The following USP14 variants were observed in gnomAD, a reference collection of about 807,000 sequenced individuals.
USP14 encodes the protein ubiquitin carboxyl-terminal hydrolase 14.
Under a neutral mutation model 76.5 loss-of-function variants are expected in USP14, and 38 were observed. That is an observed-to-expected ratio of 0.50 (90% CI 0.38 to 0.65). USP14 has a LOEUF of 0.65. Among genes scored for constraint, USP14 ranks in the 30% least tolerant of loss-of-function variants. The probability of loss-of-function intolerance (pLI) is 0.00; values close to 1 mark genes in which losing one functional copy is unlikely to be tolerated. For synonymous variants in USP14, 192 were observed against 191.7 expected, an observed-to-expected ratio of 1.00 and a Z score of -0.01; for missense variants, 467 against 586.5, an observed-to-expected ratio of 0.80 and a Z score of 2.10.
intron 13 of USP14, among the ~76,000 whole-genome samples, chr18:209,642 G>A (rs186732868): frequency 1.4e-4 from 22 of 152,292 alleles, no homozygotes; most frequent in African/African-American, 5.1e-4. Flanking sequence ...TAACACTGGG[G>A]AATTGGGTTT....
At position 214,085 on chromosome 18, in the gene USP14, T is replaced by C. The variant is rs927012119; in HGVS notation, c.*2801T>C. 6.6e-6 allele frequency: 1 copy of C among 152,266 alleles called. No individual in the cohort carries two copies. The highest frequency in any genetic ancestry group is 2.4e-5 in the African/African-American group (1 of 41,362). 9.4% of individuals were successfully genotyped at this position (152,266 alleles called of 1,614,324 possible). The stretch of plus-strand genomic sequence containing the variant: ...CAGCTCCTTAGCTTTGCTGTTGTTA[T>C]AGTGTAGCTGGAGCCATAGACAGTT... On this transcript the variant is annotated 3_prime_UTR_variant, in exon 16 of 16. Transcript: ENST00000261601.
intron 5 of USP14, among the ~76,000 whole-genome samples, chr18:189,888 C>T (rs1598273834): frequency 6.6e-6 from 1 of 152,292 alleles, no homozygotes; most frequent in South Asian, 2.1e-4. Flanking sequence ...AAAATAAAGG[C>T]AGAACCCTTC....
Position 191,257 on chromosome 18 carries a change from T to C in USP14, c.405-1585T>C, listed in dbSNP as rs369429031. 2.0e-4 allele frequency among the ~76,000 whole-genome samples: 31 copies of C among 152,296 alleles called. 1 individual carries two copies. The East Asian group carries it at 5.2e-3, about 26-fold the overall frequency. On this transcript the variant is annotated intron_variant, in intron 5 of 15. Coordinates refer to ENST00000261601, the MANE Select transcript of USP14 (RefSeq NM_005151.4). The stretch of plus-strand genomic sequence containing the variant: ...AGGCATTATTGTGAATTATTGTGTA[T>C]TGAAAAATTAAGAAAATTCGTTGAG...
chr18:172,235 A>G (rs1299766737), intron 3 of USP14, among the ~76,000 whole-genome samples: 1 of 152,150 alleles, frequency 6.6e-6, no homozygotes, highest in African/African-American at 2.4e-5. Context: ...GAGACCCTGT[A>G]TCTAAAAAAC....
Position 180,309 on chromosome 18 carries a change from C to T in USP14, c.374C>T (p.Ser125Phe), listed in dbSNP as rs948789021. ...YMNATVQCIRSVPELKDALKR... is the reference protein window; with the variant it reads ...YMNATVQCIRFVPELKDALKR... Reference sequence around the variant, plus strand: ...AATGCCACAGTTCAGTGTATTCGTTCTGTGCCTGAACTCAAAGATGCCCTT... The same window carrying T: ...AATGCCACAGTTCAGTGTATTCGTTTTGTGCCTGAACTCAAAGATGCCCTT... The change falls in exon 5 of 16, where the codon TCT becomes TTT. Residue 125 changes from serine (S) to phenylalanine (F), a missense_variant. Ser to Phe is a radical substitution (Grantham distance 155). Coordinates refer to ENST00000261601, the MANE Select transcript of USP14 (RefSeq NM_005151.4). 1.9e-6 allele frequency: 3 copies of T among 1,586,872 alleles called. No individual in the cohort carries two copies. Among genetic ancestry groups the T allele is most frequent in the Non-Finnish European group, 2.6e-6 (3 of 1,172,920 alleles).
chr18:173,226 G>A (rs1909518358), intron 3 of USP14, among the ~76,000 whole-genome samples: 1 of 150,734 alleles, frequency 6.6e-6, no homozygotes, highest in Non-Finnish European at 1.5e-5. Context: ...TCCTGCCTCA[G>A]CCTCCCGAGT....
intron 3 of USP14, among the ~76,000 whole-genome samples, chr18:169,572 A>C (rs145899952): frequency 6.6e-6 from 1 of 151,742 alleles, no homozygotes; most frequent in African/African-American, 2.4e-5. Context: ...GCAGTTCTCA[A>C]ATTTCTTGGT....
At chr18:160,535 A>G (rs1288544610) in intron 1 of USP14, among the ~76,000 whole-genome samples, 1 of 152,150 alleles carries the variant, frequency 6.6e-6, no homozygotes, top group African/African-American at 2.4e-5. Context: ...AAAAATAAAC[A>G]CACACCTGTG....
At chr18:172,911 C>T (rs894744290) in intron 3 of USP14, among the ~76,000 whole-genome samples, 1 of 151,976 alleles carries the variant, frequency 6.6e-6, no homozygotes, top group African/African-American at 2.4e-5. Flanking sequence ...TTCAAGGTAT[C>T]CCTGTGTTTT....
chr18:179,931 C>A (rs1004928374), intron 4 of USP14, among the ~76,000 whole-genome samples: 6 of 151,766 alleles, frequency 4.0e-5, no homozygotes, highest in Admixed American at 2.0e-4. Context: ...TGAAGTGTTT[C>A]TTTGCATATT....
chr18:195,504 G>A (rs914883772), intron 6 of USP14, among the ~76,000 whole-genome samples: 2 of 152,196 alleles, frequency 1.3e-5, no homozygotes, highest in Non-Finnish European at 2.9e-5. Context: ...GGAGGGCAAG[G>A]TATGATCACT....
At chr18:188,329 C>T (rs1268095643) in intron 5 of USP14, among the ~76,000 whole-genome samples, 2 of 152,090 alleles carry the variant, frequency 1.3e-5, no homozygotes, top group Non-Finnish European at 2.9e-5. Context: ...AGATTTTTCT[C>T]ACTGGATCTA....
Position 212,982 on chromosome 18 carries a change from A to AAAAT in USP14, c.*1701_*1704dup, listed in dbSNP as rs1285590171. 1.3e-5 allele frequency: 2 copies of AAAAT among 152,244 alleles called. No homozygotes were observed. The highest frequency in any genetic ancestry group is 1.9e-4 in the East Asian group (1 of 5,196). The allele number at this position is 152,244 out of a possible 1,614,324, so 9.4% of individuals were successfully genotyped here. A position where few individuals can be genotyped will look rare whatever the true frequency, so the allele number is the denominator to read the frequency against. On this transcript the variant is annotated 3_prime_UTR_variant, in exon 16 of 16. Transcript: ENST00000261601. ...CAATCTGTGAACACTAGGAGGGGAT[A>AAAAT]AAATAAGCATTGCAGGGAAACTTAT... is the stretch of plus-strand genomic sequence containing the variant.
chr18:179,586 CTT>C (rs535535588), intron 4 of USP14, among the ~76,000 whole-genome samples: 4 of 114,098 alleles, frequency 3.5e-5, no homozygotes, highest in Non-Finnish European at 7.3e-5. Flanking sequence ...TTTTTTTTTG[CTT>C]TTTTTTTTTT....
Position 212,104 on chromosome 18 carries a change from T to TACAA in USP14, c.*820_*821insACAA. ...GTGTTGGAGCTTGGCTGAAGACATG[T>TACAA]TTAATACTGTACAATTTCTGAAGAT... On this transcript the variant is annotated 3_prime_UTR_variant, in exon 16 of 16. Transcript: ENST00000261601. The TACAA allele has an allele frequency of 1.3e-5, 2 of 152,238 alleles. No individual in the cohort carries two copies. The highest frequency in any genetic ancestry group is 4.8e-5 in the African/African-American group (2 of 41,472). The allele number at this position is 152,238 out of a possible 1,614,324, so 9.4% of individuals were successfully genotyped here. A position where few individuals can be genotyped will look rare whatever the true frequency, so the allele number is the denominator to read the frequency against.
rs536391628 is a variant in USP14 at position 175,600 on chromosome 18, T to G, written c.196-3333T>G. ...ACTTGGACATTATATATTGCTAGAT[T>G]CTATTTGCTTATCTTTTGTTAAGGT... On this transcript the variant is annotated intron_variant, in intron 3 of 15. Transcript: ENST00000261601. Among the ~76,000 whole-genome samples, 11 of 152,302 alleles carry G rather than the reference T, an allele frequency of 7.2e-5. No homozygotes were observed. The East Asian group carries it at 1.2e-3, about 16-fold the overall frequency.
intron 15 of USP14, 80 bp downstream of exon 15, chr18:210,573 C>T: frequency 9.1e-7 from 1 of 1,093,268 alleles, no homozygotes; most frequent in Non-Finnish European, 1.3e-6. Flanking sequence ...GTGTGGTTTT[C>T]AAACTTTGGG....
chr18:158,841 C>A, intron 1 of USP14, 127 bp downstream of exon 1: 1 of 1,246,014 alleles, frequency 8.0e-7, no homozygotes, highest in Non-Finnish European at 1.0e-6. Flanking sequence ...GCGGGGCCGG[C>A]GGCGCGGAGA....
chr18:204,968 AG>A (rs1232887328), intron 13 of USP14, among the ~76,000 whole-genome samples: 1 of 150,440 alleles, frequency 6.6e-6, no homozygotes, highest in Non-Finnish European at 1.5e-5. Flanking sequence ...TCAACCTCCC[AG>A]GCGCAAATGA....
Sources: allele counts gnomAD v4.1 joint callset (sites outside exome capture counted in the v4.1 genomes callset), GRCh38; gene constraint gnomAD v4.1.1; transcripts MANE v1.5; gene names NCBI Gene and HGNC (gene_info 2026-07-23, HGNC 2026-07-21).